GAB2: variants seen among roughly 807,000 people sequenced by gnomAD.
GAB2 encodes the protein GRB2-associated-binding protein 2.
In GAB2, 26 loss-of-function variants were observed where a neutral mutation model predicts 65.5. The observed-to-expected ratio is 0.40, with a 90% CI of 0.29 to 0.55. The LOEUF (loss-of-function observed/expected upper bound fraction) is 0.55, where lower values mean the gene tolerates loss of function less well. GAB2 is among the 20% of genes least tolerant of loss of function. GAB2 has a pLI of 0.53. For missense variants in GAB2, 884 were observed against 875.8 expected (o/e 1.01, Z -0.12); for synonymous variants, 321 against 329.6 (o/e 0.97, Z 0.28).
intron 4 of GAB2, among the ~76,000 whole-genome samples, chr11:78,226,063 CA>C (rs1260678884): frequency 6.6e-6 from 1 of 152,200 alleles, no homozygotes; most frequent in Non-Finnish European, 1.5e-5. Context: ...TTTGCTTTAG[CA>C]GTCTGTTAGT....
At chr11:78,334,505 A>G (rs748416129) in intron 1 of GAB2, among the ~76,000 whole-genome samples, 4 of 152,204 alleles carry the variant, frequency 2.6e-5, no homozygotes, top group Non-Finnish European at 5.9e-5. Flanking sequence ...GAGAACATGC[A>G]ATGTCTATCT....
At chr11:78,374,110 A>C (rs1245649279) in intron 1 of GAB2, among the ~76,000 whole-genome samples, 1 of 152,198 alleles carries the variant, frequency 6.6e-6, no homozygotes, top group African/African-American at 2.4e-5. Context: ...ATTATAACAC[A>C]TGATAAGCAG....
intron 1 of GAB2, among the ~76,000 whole-genome samples, chr11:78,322,736 G>T (rs975324376): frequency 6.6e-6 from 1 of 150,798 alleles, no homozygotes; most frequent in Admixed American, 6.6e-5. Flanking sequence ...TCAGAGAAAT[G>T]CAACTCAAAA....
chr11:78,385,906 T>C (rs1418174387), intron 1 of GAB2, among the ~76,000 whole-genome samples: 6 of 152,232 alleles, frequency 3.9e-5, no homozygotes, highest in Non-Finnish European at 7.3e-5. Context: ...CTTTCATGCC[T>C]AGCACAAGAC....
At chr11:78,223,720 G>A (rs1477217388) in intron 5 of GAB2, 44 bp from the exon 6 acceptor site, 1 of 1,475,106 alleles carries the variant, frequency 6.8e-7, no homozygotes, top group African/African-American at 1.4e-5. Flanking sequence ...TTACTAGCAA[G>A]AAGAAACAGG....
chr11:78,232,130 C>A (rs1864866561), intron 3 of GAB2, among the ~76,000 whole-genome samples: 1 of 152,202 alleles, frequency 6.6e-6, no homozygotes. Context: ...TGCCTTTGGT[C>A]AGTCAATCAA....
intron 1 of GAB2, among the ~76,000 whole-genome samples, chr11:78,327,469 T>C (rs559269128): frequency 2.0e-5 from 3 of 152,064 alleles, no homozygotes; most frequent in Non-Finnish European, 4.4e-5. Context: ...GGCCAAGATA[T>C]GAAGCATGGA....
intron 1 of GAB2, among the ~76,000 whole-genome samples, chr11:78,282,550 C>T (rs1043681407): frequency 1.3e-5 from 2 of 152,088 alleles, no homozygotes; most frequent in Non-Finnish European, 2.9e-5. Flanking sequence ...CTCAGGTGAT[C>T]CACCTGCCTC....
intron 2 of GAB2, among the ~76,000 whole-genome samples, chr11:78,269,038 C>CTT (rs111619816): frequency 3.4e-5 from 5 of 148,744 alleles, no homozygotes; most frequent in African/African-American, 1.2e-4. Context: ...TTTTTTCTTT[C>CTT]TTTTTTTTTT....
intron 2 of GAB2, among the ~76,000 whole-genome samples, chr11:78,268,368 C>T (rs7927923): frequency 0.56 from 85,703 of 151,928 alleles, 29,049 homozygotes; most frequent in Non-Finnish European, 0.78. Flanking sequence ...CTGAATCCTA[C>T]GTAGCGCTAC....
chr11:78,291,561 C>CTTTTTTTTTTT (rs1163199130), intron 1 of GAB2, among the ~76,000 whole-genome samples: 3 of 80,898 alleles, frequency 3.7e-5, no homozygotes, highest in East Asian at 3.9e-4. Flanking sequence ...TTTTCTTTTT[C>CTTTTTTTTTTT]TTTTTTTTTT....
At chr11:78,364,615 C>A (rs1239676744) in intron 1 of GAB2, among the ~76,000 whole-genome samples, 1 of 152,132 alleles carries the variant, frequency 6.6e-6, no homozygotes, top group African/African-American at 2.4e-5. Context: ...GGTTATTCTA[C>A]CTCTAGCTTC....
chr11:78,224,095 T>C (rs1864550340), intron 5 of GAB2, among the ~76,000 whole-genome samples: 1 of 151,174 alleles, frequency 6.6e-6, no homozygotes. Flanking sequence ...AAATAAAAAA[T>C]AAAAAAAAGG....
chr11:78,330,114 C>A (rs1258455611), intron 1 of GAB2, among the ~76,000 whole-genome samples: 2 of 152,176 alleles, frequency 1.3e-5, no homozygotes, highest in East Asian at 3.8e-4. Flanking sequence ...TCAAGTCTGA[C>A]CTCCCATACC....
intron 1 of GAB2, among the ~76,000 whole-genome samples, chr11:78,336,872 G>C (rs1236461398): frequency 8.5e-5 from 13 of 152,168 alleles, no homozygotes; most frequent in African/African-American, 2.9e-4. Context: ...CCAAAGAATT[G>C]AATTAATGAC....
intron 1 of GAB2, among the ~76,000 whole-genome samples, chr11:78,390,887 C>T (rs939873956): frequency 6.6e-6 from 1 of 152,182 alleles, no homozygotes; most frequent in Non-Finnish European, 1.5e-5. Flanking sequence ...AGACACTGTT[C>T]TAGATTGATG....
Position 78,276,956 on chromosome 11 carries a change from T to C in GAB2, c.376+3645A>G, listed in dbSNP as rs1455970312. Among the ~76,000 whole-genome samples the C allele has an allele frequency of 3.3e-5, 5 of 152,292 alleles. No homozygotes were observed. In the South Asian group the frequency reaches 1.0e-3, roughly 32 times the overall value. On this transcript the variant is annotated intron_variant, in intron 2 of 9. Transcript: ENST00000361507. The stretch of plus-strand genomic sequence containing the variant: ...CCTCAGCCTCCCGAGTAGCTAGGAC[T>C]ACAGTTGCCCGCCACCACGCCCGGC...
chr11:78,370,424 C>T (rs535319914), intron 1 of GAB2, among the ~76,000 whole-genome samples: 2 of 152,082 alleles, frequency 1.3e-5, no homozygotes, highest in African/African-American at 4.8e-5. Context: ...AGGTATAAAA[C>T]AGGGCAAACA....
intron 1 of GAB2, among the ~76,000 whole-genome samples, chr11:78,307,454 G>A (rs1364411592): frequency 2.0e-5 from 3 of 150,986 alleles, no homozygotes; most frequent in Non-Finnish European, 4.4e-5. Context: ...ATAAATCACA[G>A]AAAAAAAAAT....
Sources: allele counts gnomAD v4.1 joint callset (sites outside exome capture counted in the v4.1 genomes callset), GRCh38; gene constraint gnomAD v4.1.1; transcripts MANE v1.5; gene names NCBI Gene and HGNC (gene_info 2026-07-23, HGNC 2026-07-21).